The following SCO1 variants were observed in gnomAD, a reference collection of about 807,000 sequenced individuals.
The protein encoded by SCO1 is synthesis of cytochrome C oxidase 1.
In SCO1, 23 loss-of-function variants were observed where a neutral mutation model predicts 34.0. The observed-to-expected ratio is 0.68, with a 90% CI of 0.49 to 0.96. The LOEUF is 0.96. Ranked by LOEUF, SCO1 falls within the 40% of genes least tolerant of loss-of-function variation. The pLI, the probability that SCO1 is intolerant of heterozygous loss-of-function variation, is 0.00. For synonymous variants in SCO1, 161 were observed against 145.5 expected (o/e 1.11, Z -0.77); for missense variants, 404 against 381.6 (o/e 1.06, Z -0.49).
At chr17:10,693,024 T>A in intron 2 of SCO1, 63 bp from the exon 3 acceptor site, 1 of 1,381,070 alleles carries the variant, frequency 7.2e-7, no homozygotes, top group Non-Finnish European at 1.0e-6. Context: ...GGTACTCAAA[T>A]ACCTGACATA....
intron 5 of SCO1, among the ~76,000 whole-genome samples, chr17:10,681,835 A>G (rs2074623823): frequency 6.6e-6 from 1 of 152,244 alleles, no homozygotes; most frequent in African/African-American, 2.4e-5. Flanking sequence ...ATTAGTTTAA[A>G]TAATCTATAA....
Position 10,678,262 on chromosome 17 carries a change from GA to G in SCO1, c.*2856del, listed in dbSNP as rs1468036188. On this transcript the variant is annotated 3_prime_UTR_variant, in exon 6 of 6. Coordinates refer to ENST00000255390, the MANE Select transcript of SCO1 (RefSeq NM_004589.4). Reference sequence around the variant, plus strand: ...CGCACGATAGCAGCAGAACAAACAGGAACCTACCTAGAAATTGGGACCCGAG... The same window carrying G: ...CGCACGATAGCAGCAGAACAAACAGGACCTACCTAGAAATTGGGACCCGAG... 6.6e-6 allele frequency: 1 copy of G among 152,174 alleles called. No homozygotes were observed. The highest frequency in any genetic ancestry group is 1.9e-4 in the East Asian group (1 of 5,192). The allele number at this position is 152,174 out of a possible 1,614,324, so 9.4% of individuals were successfully genotyped here.
At chr17:10,693,961 T>C (rs1257789815) in intron 2 of SCO1, among the ~76,000 whole-genome samples, 2 of 152,236 alleles carry the variant, frequency 1.3e-5, no homozygotes, top group Non-Finnish European at 2.9e-5. Flanking sequence ...GAACAGAATA[T>C]GTAAGTATAC....
At position 10,679,515 on chromosome 17, in the gene SCO1, A is replaced by G. The variant is rs1472373714; in HGVS notation, c.*1604T>C. 1.3e-5 allele frequency: 2 copies of G among 152,224 alleles called. No homozygotes were observed. The highest frequency in any genetic ancestry group is 1.5e-5 in the Non-Finnish European group (1 of 68,036). 9.4% of individuals were successfully genotyped at this position (152,224 alleles called of 1,614,324 possible). On this transcript the variant is annotated 3_prime_UTR_variant, in exon 6 of 6. Coordinates refer to ENST00000255390, the MANE Select transcript of SCO1 (RefSeq NM_004589.4). Reference sequence around the variant, plus strand: ...AGACCTCTATCATGTGCGTGTAGAAACATATCATGTAAAAAGAATCTGTTG... The same window carrying G: ...AGACCTCTATCATGTGCGTGTAGAAGCATATCATGTAAAAAGAATCTGTTG...
chr17:10,681,585 GCAGT>G (rs1214453763), intron 5 of SCO1, among the ~76,000 whole-genome samples: 1 of 152,184 alleles, frequency 6.6e-6, no homozygotes, highest in Non-Finnish European at 1.5e-5. Context: ...CTTTCATAAA[GCAGT>G]CAATGTTTGT....
intron 5 of SCO1, among the ~76,000 whole-genome samples, chr17:10,684,745 A>G (rs1248040562): frequency 6.6e-6 from 1 of 152,238 alleles, no homozygotes; most frequent in African/African-American, 2.4e-5. Flanking sequence ...TCCTGCTGTC[A>G]TCATCGGATA....
rs191830412 is a variant in SCO1 at position 10,674,283 on chromosome 17, G to A, written c.*6836C>T. The stretch of plus-strand genomic sequence containing the variant: ...TACAAAAATTACCATGCACGCCACC[G>A]GGCATGGTGGCGGGCGCCTGTAATC... On this transcript the variant is annotated 3_prime_UTR_variant, in exon 6 of 6. Coordinates refer to ENST00000255390, the MANE Select transcript of SCO1 (RefSeq NM_004589.4). 271 of 163,836 alleles carry A rather than the reference G, an allele frequency of 1.7e-3. No homozygotes were observed. Among genetic ancestry groups the A allele is most frequent in the Admixed American group, 3.8e-3 (60 of 15,778 alleles). The allele number at this position is 163,836 out of a possible 1,614,324, so 10.1% of individuals were successfully genotyped here. A position where few individuals can be genotyped will look rare whatever the true frequency, so the allele number is the denominator to read the frequency against.
chr17:10,680,870 C>T lies in SCO1; in HGVS notation c.*249G>A. The stretch of plus-strand genomic sequence containing the variant: ...CCACAGGTGGGCTCTTCACTGGCTT[C>T]ACTTCAGCTTGATCCTCTGGTCTCC... On this transcript the variant is annotated 3_prime_UTR_variant, in exon 6 of 6. Transcript: ENST00000255390. 1.9e-6 allele frequency: 1 copy of T among 536,382 alleles called. No individual in the cohort carries two copies. Among genetic ancestry groups the T allele is most frequent in the Non-Finnish European group, 3.3e-6 (1 of 299,858 alleles). 33.2% of individuals were successfully genotyped at this position (536,382 alleles called of 1,614,324 possible).
rs8074933 is a variant in SCO1 at position 10,696,080 on chromosome 17, A to T, written c.274-249T>A. 6.5e-3 allele frequency among the ~76,000 whole-genome samples: 976 copies of T among 149,970 alleles called. 6 individuals are homozygous for T. Among genetic ancestry groups the T allele is most frequent in the South Asian group, 0.013 (61 of 4,754 alleles). ...GTTCTCTTCATGTAAATAAAAAAAAAAAAAAAAAAAAAAAAAAGCTCAAGT... is the reference window on the plus strand; with the variant it reads ...GTTCTCTTCATGTAAATAAAAAAAATAAAAAAAAAAAAAAAAAGCTCAAGT... On this transcript the variant is annotated intron_variant, in intron 1 of 5. Coordinates refer to ENST00000255390, the MANE Select transcript of SCO1 (RefSeq NM_004589.4).
rs1361693620 is a variant in SCO1 at position 10,673,622 on chromosome 17, G to T, written c.*7497C>A. ...CAGGCAGTTAGTCTCTCAGTCTATTGCATCAGTGGTTCTCAGCAGCCTACT... is the reference window on the plus strand; with the variant it reads ...CAGGCAGTTAGTCTCTCAGTCTATTTCATCAGTGGTTCTCAGCAGCCTACT... On this transcript the variant is annotated 3_prime_UTR_variant, in exon 6 of 6. Coordinates refer to ENST00000255390, the MANE Select transcript of SCO1 (RefSeq NM_004589.4). 6.6e-6 allele frequency: 1 copy of T among 152,196 alleles called. No individual in the cohort carries two copies. Among genetic ancestry groups the T allele is most frequent in the Admixed American group, 6.5e-5 (1 of 15,276 alleles). 9.4% of individuals were successfully genotyped at this position (152,196 alleles called of 1,614,324 possible).
chr17:10,689,693 T>C (rs953420978), intron 4 of SCO1, among the ~76,000 whole-genome samples: 1 of 152,130 alleles, frequency 6.6e-6, no homozygotes, highest in Admixed American at 6.5e-5. Context: ...ATACCTTCCT[T>C]AGAAGCAGAA....
At chr17:10,684,547 T>C (rs577761521) in intron 5 of SCO1, among the ~76,000 whole-genome samples, 29 of 152,340 alleles carry the variant, frequency 1.9e-4, no homozygotes, top group African/African-American at 6.3e-4. Flanking sequence ...ACTGAATGTT[T>C]TCAATTTAAG....
rs1403148350 is a variant in SCO1 at position 10,686,740 on chromosome 17, T to C, written c.758A>G (p.Asp253Gly). The change falls in exon 5 of 6, where the codon GAT becomes GGT. Residue 253 changes from aspartate (D) to glycine (G), a missense_variant. Transcript: ENST00000255390. The part of the protein sequence containing the change: ...VYYSPGPKDE[D>G]EDYIVDHTII... ...ACATTTACTCACTATGTAGTCTTCA[T>C]CTTCGTCCTTGGGGCCAGGGCTGTA... is the stretch of plus-strand genomic sequence containing the variant. 2 of 1,608,446 alleles carry C rather than the reference T, an allele frequency of 1.2e-6. No individual in the cohort carries two copies. Among genetic ancestry groups the C allele is most frequent in the Admixed American group, 1.7e-5 (1 of 60,018 alleles).
chr17:10,697,223 G>A lies in SCO1; in HGVS notation c.273+12C>T, dbSNP rs1369665493. ...GCGACGAGCACCAGAAGGGTTCCAG[G>A]TGTGCACTCACCCCGGGCTTCGAGG... is the stretch of plus-strand genomic sequence containing the variant. On this transcript the variant is annotated intron_variant, in intron 1 of 5. Coordinates refer to ENST00000255390, the MANE Select transcript of SCO1 (RefSeq NM_004589.4). 1.3e-6 allele frequency: 2 copies of A among 1,542,702 alleles called. No individual in the cohort carries two copies. Among genetic ancestry groups the A allele is most frequent in the African/African-American group, 1.4e-5 (1 of 73,398 alleles).
chr17:10,684,265 T>C (rs2074640247), intron 5 of SCO1, among the ~76,000 whole-genome samples: 1 of 152,242 alleles, frequency 6.6e-6, no homozygotes, highest in African/African-American at 2.4e-5. Context: ...TGAGTATAAA[T>C]TTCAGTGCCC....
intron 2 of SCO1, among the ~76,000 whole-genome samples, chr17:10,694,790 A>T (rs2074711733): frequency 6.6e-6 from 1 of 152,216 alleles, no homozygotes; most frequent in African/African-American, 2.4e-5. Context: ...GAAACTAAAG[A>T]AACTTACTGC....
At chr17:10,695,356 C>T (rs2074714951) in intron 2 of SCO1, among the ~76,000 whole-genome samples, 1 of 152,222 alleles carries the variant, frequency 6.6e-6, no homozygotes, top group African/African-American at 2.4e-5. Flanking sequence ...TCTTACTCAT[C>T]TTCGTACCCT....
At chr17:10,694,552 T>C (rs1474221541) in intron 2 of SCO1, among the ~76,000 whole-genome samples, 2 of 152,202 alleles carry the variant, frequency 1.3e-5, no homozygotes, top group African/African-American at 2.4e-5. Flanking sequence ...CTAGAAAAGG[T>C]CCTTGTTTGT....
chr17:10,672,591 G>C lies in SCO1; in HGVS notation c.*8528C>G, dbSNP rs140198833. On this transcript the variant is annotated 3_prime_UTR_variant, in exon 6 of 6. Coordinates refer to ENST00000255390, the MANE Select transcript of SCO1 (RefSeq NM_004589.4). ...GTGCAGCGACCACTACCAAGACACA[G>C]ATCATTTTTACCACTTCCCCAAATC... 3 of 152,300 alleles carry C rather than the reference G, an allele frequency of 2.0e-5. No homozygotes were observed. The highest frequency in any genetic ancestry group is 1.9e-4 in the East Asian group (1 of 5,174). The allele number at this position is 152,300 out of a possible 1,614,324, so 9.4% of individuals were successfully genotyped here.
Sources: gnomAD v4.1 joint callset for allele counts (sites outside exome capture counted in the v4.1 genomes callset) on GRCh38, gnomAD v4.1.1 for gene constraint, MANE v1.5 for transcripts, NCBI Gene and HGNC (gene_info 2026-07-23, HGNC 2026-07-21) for gene names.